Variants in POU2F1 observed in about 807,000 individuals in gnomAD.
POU2F1 encodes POU class 2 homeobox 1, also known as POU domain, class 2, transcription factor 1.
A neutral mutation model predicts 84.9 loss-of-function variants in POU2F1; 16 were observed. The observed-to-expected ratio is 0.19, with a 90% CI of 0.13 to 0.29. The LOEUF (loss-of-function observed/expected upper bound fraction) is 0.29, where lower values mean the gene tolerates loss of function less well. POU2F1 is among the 10% of genes least tolerant of loss of function. The pLI is 1.00. For missense variants in POU2F1, 738 were observed against 942.6 expected (o/e 0.78, Z 2.84); for synonymous variants, 368 against 368.3 (o/e 1.00, Z 0.01).
rs745626645 is a variant in POU2F1, at chr1:167,374,288, A to G, written c.583A>G (p.Ile195Val). ...TQIPLSQPIQ[I>V]AQDLQQLQQL... Reference sequence around the variant, plus strand: ...GATCCCCCTGTCTCAGCCCATACAGATCGCACAGGTGAGTGAGGAACTCCA... The same window carrying G: ...GATCCCCCTGTCTCAGCCCATACAGGTCGCACAGGTGAGTGAGGAACTCCA... The change falls in exon 6 of 16, where the codon ATC (isoleucine) becomes GTC (valine). Residue 195 changes from isoleucine to valine, a missense_variant. By Grantham distance (29) the Ile-to-Val change is conservative. Transcript: ENST00000367866. 15 of 1,593,744 alleles carry G rather than the reference A, an allele frequency of 9.4e-6. No homozygotes were observed. The South Asian group carries it at 1.5e-4, about 16-fold the overall frequency.
chr1:167,332,597 C>A, intron 2 of POU2F1, 62 bp downstream of exon 2: 1 of 1,359,346 alleles, frequency 7.4e-7, no homozygotes, highest in Non-Finnish European at 1.0e-6. Flanking sequence ...AGAAAGTTTC[C>A]ATGTAACTAG....
At chr1:167,221,393 G>C (rs1352625132) in intron 1 of POU2F1, among the ~76,000 whole-genome samples, 1 of 149,954 alleles carries the variant, frequency 6.7e-6, no homozygotes. Context: ...GGCCGGCGGG[G>C]CGCAGTAGGG....
intron 2 of POU2F1, among the ~76,000 whole-genome samples, chr1:167,357,803 T>C (rs1458906905): frequency 1.6e-5 from 2 of 122,192 alleles, no homozygotes; most frequent in Non-Finnish European, 3.1e-5. Context: ...ATTAATTGAT[T>C]TTTTTTTTTT....
intron 1 of POU2F1, among the ~76,000 whole-genome samples, chr1:167,298,667 T>G (rs978248170): frequency 1.3e-5 from 2 of 152,190 alleles, no homozygotes; most frequent in Non-Finnish European, 2.9e-5. Context: ...GTCCATTTTT[T>G]GGGAGTATAA....
intron 1 of POU2F1, among the ~76,000 whole-genome samples, chr1:167,305,384 G>A (rs779107620): frequency 1.3e-5 from 2 of 152,012 alleles, no homozygotes; most frequent in African/African-American, 2.4e-5. Context: ...TTGTTTTGTA[G>A]AGATGGGTTT....
At chr1:167,241,068 G>A (rs1464330414) in intron 1 of POU2F1, among the ~76,000 whole-genome samples, 1 of 152,130 alleles carries the variant, frequency 6.6e-6, no homozygotes, top group Non-Finnish European at 1.5e-5. Flanking sequence ...CTTGAACCCG[G>A]GAGGCGGAGG....
At chr1:167,307,898 G>T (rs2102590640) in intron 1 of POU2F1, among the ~76,000 whole-genome samples, 1 of 152,112 alleles carries the variant, frequency 6.6e-6, no homozygotes. Context: ...GATTTCTAGG[G>T]TCATGGCACT....
At chr1:167,263,384 G>T (rs1412892934) in intron 1 of POU2F1, among the ~76,000 whole-genome samples, 1 of 152,048 alleles carries the variant, frequency 6.6e-6, no homozygotes, top group African/African-American at 2.4e-5. Flanking sequence ...GCCGGGCGTG[G>T]TAGCATATGC....
intron 10 of POU2F1, 32 bp from the exon 11 acceptor site, chr1:167,397,962 A>G (rs1183400994): frequency 6.3e-7 from 1 of 1,591,380 alleles, no homozygotes; most frequent in South Asian, 1.1e-5. Context: ...TGCTCAGCTA[A>G]TTTTATTTCT....
At chr1:167,353,426 G>A (rs755359328) in intron 2 of POU2F1, among the ~76,000 whole-genome samples, 4 of 145,426 alleles carry the variant, frequency 2.8e-5, no homozygotes, top group Admixed American at 7.0e-5. Context: ...TTGTCTTCTC[G>A]TACCCTTCAG....
intron 2 of POU2F1, 94 bp downstream of exon 2, chr1:167,332,629 G>A (rs774110570): frequency 2.1e-6 from 2 of 945,354 alleles, no homozygotes; most frequent in Non-Finnish European, 3.3e-6. Context: ...GGCAAATACA[G>A]ACCAATTTGA....
In POU2F1 at chr1:167,348,593, A is replaced by G. The variant is rs536194836; in HGVS notation, c.127+16058A>G. On this transcript the variant is annotated intron_variant, in intron 2 of 15. Coordinates refer to ENST00000367866, the MANE Select transcript of POU2F1 (RefSeq NM_002697.4). ...CTTCATTCATTTTCCCCAGGAAATA[A>G]TAATAACTGAAACCTCCTCCTTTTT... Among the ~76,000 whole-genome samples the G allele has an allele frequency of 1.2e-3, 183 of 152,232 alleles. 1 individual carries two copies. The highest frequency in any genetic ancestry group is 2.1e-3 in the Non-Finnish European group (141 of 68,032).
chr1:167,362,803 C>T (rs1039560530), intron 2 of POU2F1, among the ~76,000 whole-genome samples: 2 of 152,082 alleles, frequency 1.3e-5, no homozygotes, highest in African/African-American at 4.8e-5. Flanking sequence ...TTGCCCAGTA[C>T]CTGGCCCTAG....
intron 1 of POU2F1, among the ~76,000 whole-genome samples, chr1:167,332,246 A>G (rs559529004): frequency 6.6e-6 from 1 of 152,272 alleles, no homozygotes; most frequent in South Asian, 2.1e-4. Context: ...TTAAAAAGAC[A>G]GTTTATTTGT....
intron 15 of POU2F1, among the ~76,000 whole-genome samples, chr1:167,413,535 T>A (rs1205642261): frequency 2.0e-5 from 3 of 152,178 alleles, no homozygotes; most frequent in African/African-American, 7.2e-5. Flanking sequence ...GAGAAAGCTG[T>A]GCATGGGAAA....
rs1650735228 is a variant in POU2F1 at position 167,423,024 on chromosome 1, A to T, written c.*7214A>T. On this transcript the variant is annotated 3_prime_UTR_variant, in exon 16 of 16. Coordinates refer to ENST00000367866, the MANE Select transcript of POU2F1 (RefSeq NM_002697.4). ...ATTGCTGAGAAATTTGGGGAGGGCA[A>T]AAGATAGGGGTAGAATTTTTTCATT... 6.6e-6 allele frequency: 1 copy of T among 152,226 alleles called. No individual in the cohort carries two copies. The highest frequency in any genetic ancestry group is 2.4e-5 in the African/African-American group (1 of 41,450). The allele number at this position is 152,226 out of a possible 1,614,324, so 9.4% of individuals were successfully genotyped here.
chr1:167,379,468 G>A (rs539441908), intron 7 of POU2F1: 50 of 152,270 alleles, frequency 3.3e-4, no homozygotes, highest in African/African-American at 1.2e-3. Flanking sequence ...TATAATGCCT[G>A]GGTTTTTAGG....
At position 167,420,538 on chromosome 1, in the gene POU2F1, ACT is replaced by A. The variant is rs1650582690; in HGVS notation, c.*4733_*4734del. The A allele has an allele frequency of 6.6e-6, 1 of 152,034 alleles. No individual in the cohort carries two copies. The highest frequency in any genetic ancestry group is 6.6e-5 in the Admixed American group (1 of 15,260). 9.4% of individuals were successfully genotyped at this position (152,034 alleles called of 1,614,324 possible). A position where few individuals can be genotyped will look rare whatever the true frequency, so the allele number is the denominator to read the frequency against. On this transcript the variant is annotated 3_prime_UTR_variant, in exon 16 of 16. Coordinates refer to ENST00000367866, the MANE Select transcript of POU2F1 (RefSeq NM_002697.4). ...GTAGAATAAACGCTTGGCTTATAGA[ACT>A]CTCTGTTCTTAGTCTAAAGCTGTTC...
In POU2F1 at chr1:167,412,023, A is replaced by G. The variant is rs1272818953; in HGVS notation, c.1620A>G (p.Ser540=). 1.2e-6 allele frequency: 2 copies of G among 1,613,914 alleles called. No homozygotes were observed. Among genetic ancestry groups the G allele is most frequent in the African/African-American group, 1.3e-5 (1 of 74,902 alleles). ...TVISTAPPAS[S]AVTSPSLSPS... is the part of the protein sequence containing the mutation. ...TTTCCACAGCGCCTCCAGCTTCCTCAGCAGTCACGTCCCCCTCTCTGAGTC... is the reference window on the plus strand; with the variant it reads ...TTTCCACAGCGCCTCCAGCTTCCTCGGCAGTCACGTCCCCCTCTCTGAGTC... The change falls in exon 14 of 16, where the codon TCA becomes TCG. Residue 540 remains serine (S), a synonymous_variant. Transcript: ENST00000367866.
Sources: gnomAD v4.1 joint callset for allele counts (sites outside exome capture counted in the v4.1 genomes callset) on GRCh38, gnomAD v4.1.1 for gene constraint, MANE v1.5 for transcripts, NCBI Gene and HGNC (gene_info 2026-07-23, HGNC 2026-07-21) for gene names.